IRAK3: variants seen among roughly 807,000 people sequenced by gnomAD.
IRAK3 encodes interleukin 1 receptor associated kinase 3, also known as interleukin-1 receptor-associated kinase 3.
IRAK3 carries 57 observed loss-of-function variants against 56.6 expected under a neutral mutation model. That is an observed-to-expected ratio of 1.01 (90% CI 0.81 to 1.26). The LOEUF is 1.26. IRAK3 is among the 50% of genes most tolerant of loss of function. The probability of loss-of-function intolerance (pLI) is 0.00; values close to 1 mark genes in which losing one functional copy is unlikely to be tolerated. For missense variants in IRAK3, 703 were observed against 719.0 expected (o/e 0.98, Z 0.25); for synonymous variants, 258 against 255.7 (o/e 1.01, Z -0.09).
chr12:66,235,083 G>A (rs894118059), intron 8 of IRAK3: 33 of 1,613,306 alleles, frequency 2.0e-5, no homozygotes, highest in South Asian at 1.8e-4. Flanking sequence ...GTGGTGTGGG[G>A]AGGCAGTCCT....
At chr12:66,229,242 A>C (rs907204514) in intron 8 of IRAK3, among the ~76,000 whole-genome samples, 1 of 152,228 alleles carries the variant, frequency 6.6e-6, no homozygotes, top group African/African-American at 2.4e-5. Context: ...TTTTTGAGAC[A>C]TGAGAAAATT....
At chr12:66,217,787 C>T (rs998966474) in intron 6 of IRAK3, among the ~76,000 whole-genome samples, 7 of 152,146 alleles carry the variant, frequency 4.6e-5, no homozygotes, top group Non-Finnish European at 2.9e-5. Flanking sequence ...GTTCACTTGT[C>T]ATCCTTTACA....
At chr12:66,234,521 G>A in intron 8 of IRAK3, 9 of 1,612,086 alleles carry the variant, frequency 5.6e-6, no homozygotes, top group Non-Finnish European at 8.5e-7. Flanking sequence ...TGGGTCGTAA[G>A]TAAGTGTCAT....
chr12:66,203,312 T>C (rs1455517215), intron 1 of IRAK3, among the ~76,000 whole-genome samples: 1 of 152,200 alleles, frequency 6.6e-6, no homozygotes, highest in Admixed American at 6.5e-5. Context: ...CTTGATATTA[T>C]GCACTGAGAA....
intron 6 of IRAK3, among the ~76,000 whole-genome samples, chr12:66,224,746 C>T (rs1324526484): frequency 1.3e-5 from 2 of 152,152 alleles, no homozygotes; most frequent in African/African-American, 4.8e-5. Context: ...GATTAAATAA[C>T]TTGCCCAAGT....
intron 2 of IRAK3, 118 bp downstream of exon 2, chr12:66,204,011 C>A: frequency 1.1e-6 from 1 of 927,686 alleles, no homozygotes; most frequent in Non-Finnish European, 1.7e-6. Context: ...TGTTTCCTTA[C>A]CTGTGGCTTT....
Position 66,189,257 on chromosome 12 carries a change from G to A in IRAK3, c.-43G>A, listed in dbSNP as rs763626048. The A allele has an allele frequency of 2.6e-4, 403 of 1,533,204 alleles. No individual in the cohort carries two copies. Among genetic ancestry groups the A allele is most frequent in the Non-Finnish European group, 3.1e-4 (360 of 1,145,554 alleles). 95.0% of individuals were successfully genotyped at this position (1,533,204 alleles called of 1,614,324 possible). Reference sequence around the variant, plus strand: ...TAACGGCCTGTCGCAGGCGTGCAGGGACCTGGACTCCGCCTCGTCCCCGGG... The same window carrying A: ...TAACGGCCTGTCGCAGGCGTGCAGGAACCTGGACTCCGCCTCGTCCCCGGG... On this transcript the variant is annotated 5_prime_UTR_variant, in exon 1 of 12. Transcript: ENST00000261233.
chr12:66,213,089 A>G (rs2136926355), intron 5 of IRAK3, among the ~76,000 whole-genome samples: 1 of 152,310 alleles, frequency 6.6e-6, no homozygotes, highest in South Asian at 2.1e-4. Flanking sequence ...AAAGAGGTTT[A>G]ATGGACTCAG....
chr12:66,199,100 C>T (rs1178198720), intron 1 of IRAK3, among the ~76,000 whole-genome samples: 1 of 152,118 alleles, frequency 6.6e-6, no homozygotes, highest in Admixed American at 6.5e-5. Flanking sequence ...CTAAACTTTC[C>T]CTTTGCTGAA....
At chr12:66,196,821 G>A in intron 1 of IRAK3, 1 of 1,418,926 alleles carries the variant, frequency 7.0e-7, no homozygotes, top group Non-Finnish European at 9.2e-7. Context: ...TTAAAAAATT[G>A]TCTAATTTTT....
intron 5 of IRAK3, among the ~76,000 whole-genome samples, chr12:66,213,997 C>T (rs567641700): frequency 1.1e-4 from 16 of 152,066 alleles, no homozygotes; most frequent in Non-Finnish European, 2.1e-4. Context: ...GTTGCAGAGA[C>T]CTGGAGGTGT....
intron 5 of IRAK3, among the ~76,000 whole-genome samples, chr12:66,213,119 C>T (rs1297793062): frequency 6.6e-6 from 1 of 151,630 alleles, no homozygotes; most frequent in Non-Finnish European, 1.5e-5. Context: ...GCTGGGGAGG[C>T]CTCAGTATCA....
At chr12:66,235,015 T>TG (rs1304298598) in intron 8 of IRAK3, 1 of 1,613,598 alleles carries the variant, frequency 6.2e-7, no homozygotes, top group Non-Finnish European at 8.5e-7. Context: ...TATGCAAAAT[T>TG]GCGTTTGTGG....
rs957335819 is a variant in IRAK3 at position 66,198,156 on chromosome 12, A to G, written c.134-5555A>G. The G allele has an allele frequency of 6.3e-6, 6 of 952,494 alleles. 1 individual carries two copies. The highest frequency in any genetic ancestry group is 7.5e-6 in the Non-Finnish European group (6 of 799,992). The allele number at this position is 952,494 out of a possible 1,614,324, so 59.0% of individuals were successfully genotyped here. The stretch of plus-strand genomic sequence containing the variant: ...CAAAAGGTAAAGCTTCCATCTTTGC[A>G]TCACCTTCTCAGAAATCTGAATTGG... On this transcript the variant is annotated intron_variant, in intron 1 of 11. Coordinates refer to ENST00000261233, the MANE Select transcript of IRAK3 (RefSeq NM_007199.3).
intron 5 of IRAK3, among the ~76,000 whole-genome samples, chr12:66,213,066 GA>G (rs1011753750): frequency 7.6e-4 from 115 of 150,684 alleles, no homozygotes; most frequent in African/African-American, 2.6e-3. Context: ...AAATAAAAAA[GA>G]AAAAAAAAGA....
chr12:66,199,496 G>C (rs1218710883), intron 1 of IRAK3, among the ~76,000 whole-genome samples: 4 of 152,118 alleles, frequency 2.6e-5, no homozygotes, highest in African/African-American at 9.7e-5. Context: ...TCCTCCCCAG[G>C]ATAGTGTACT....
chr12:66,202,685 G>C (rs1592578322), intron 1 of IRAK3, among the ~76,000 whole-genome samples: 1 of 151,934 alleles, frequency 6.6e-6, no homozygotes, highest in African/African-American at 2.4e-5. Flanking sequence ...CACACCTGTA[G>C]TTGCAGCTAC....
chr12:66,248,268 AG>A lies in IRAK3; in HGVS notation c.*98del. On this transcript the variant is annotated 3_prime_UTR_variant, in exon 12 of 12. Coordinates refer to ENST00000261233, the MANE Select transcript of IRAK3 (RefSeq NM_007199.3). ...CATTGGCTCCATAAGCAATGCCAAG[AG>A]AATGATCAATAGTGAGTTTGGGTGA... 2.4e-6 allele frequency: 2 copies of A among 820,152 alleles called. No individual in the cohort carries two copies. The highest frequency in any genetic ancestry group is 2.1e-6 in the Non-Finnish European group (1 of 482,780). The allele number at this position is 820,152 out of a possible 1,614,324, so 50.8% of individuals were successfully genotyped here.
At chr12:66,229,546 C>G (rs2052823175) in intron 8 of IRAK3, among the ~76,000 whole-genome samples, 1 of 152,120 alleles carries the variant, frequency 6.6e-6, no homozygotes, top group Admixed American at 6.5e-5. Context: ...GGAAAAGACT[C>G]TAGGTTTTAC....
Sources: gnomAD v4.1 joint callset for allele counts (sites outside exome capture counted in the v4.1 genomes callset) on GRCh38, gnomAD v4.1.1 for gene constraint, MANE v1.5 for transcripts, NCBI Gene and HGNC (gene_info 2026-07-23, HGNC 2026-07-21) for gene names.